The following PSG8 variants were observed in gnomAD, a reference collection of about 807,000 sequenced individuals.
The protein encoded by PSG8 is pregnancy-specific beta-1-glycoprotein 8.
Under a neutral mutation model 42.5 loss-of-function variants are expected in PSG8, and 57 were observed. That is an observed-to-expected ratio of 1.34 (90% CI 1.08 to 1.67). The LOEUF is 1.67. Ranked by LOEUF, PSG8 falls within the 40% of genes most tolerant of loss-of-function variation. The probability of loss-of-function intolerance (pLI) is 0.00; values close to 1 mark genes in which losing one functional copy is unlikely to be tolerated. For missense variants in PSG8, 783 were observed against 518.6 expected (o/e 1.51, Z -4.95); for synonymous variants, 280 against 196.8 (o/e 1.42, Z -3.54).
chr19:42,753,916 A>G (rs1398684964), downstream of PSG8: 2 of 525,608 alleles, frequency 3.8e-6, no homozygotes, highest in South Asian at 1.6e-5. Context: ...GGTAGAAAGC[A>G]AAAGTAAATA....
In PSG8 at chr19:42,755,139, G is replaced by A. The variant is rs374769387; in HGVS notation, c.837C>T (p.Ser279=). Residue 279 remains serine, a synonymous_variant, in exon 4 of 5, where the codon AGC becomes AGT. Transcript: ENST00000306511. The part of the protein sequence containing the change: ...YTYIWWLNGQ[S]LPVSPRVKRP... ...GCTTTACCCTGGGACTGACCGGGAG[G>A]CTCTGACCATTTAGCCACCAAATGT... The A allele has an allele frequency of 6.2e-7, 1 of 1,611,888 alleles. No homozygotes were observed. The highest frequency in any genetic ancestry group is 1.1e-5 in the South Asian group (1 of 90,970).
chr19:42,759,718 T>C (rs1970026327), intron 2 of PSG8, among the ~76,000 whole-genome samples: 1 of 152,164 alleles, frequency 6.6e-6, no homozygotes, highest in East Asian at 1.9e-4. Context: ...ATGTTCTGAC[T>C]CTAGTAACAA....
intron 2 of PSG8, chr19:42,763,704 G>A (rs1445397633): frequency 4.3e-6 from 4 of 940,298 alleles, no homozygotes; most frequent in African/African-American, 1.6e-5. Context: ...TTCCTCTGCA[G>A]CGAGTGTCTG....
Position 42,758,027 on chromosome 19 carries a change from A to C in PSG8, c.684T>G (p.Ser228Arg), listed in dbSNP as rs1220596852. The change falls in exon 3 of 5, where the codon AGT becomes AGG. Residue 228 changes from serine to arginine, a missense_variant. Physicochemically the swap from Ser to Arg is moderately radical, Grantham distance 110. Coordinates refer to ENST00000306511, the MANE Select transcript of PSG8 (RefSeq NM_182707.3). ...EIRNPVSASR[S>R]DPFTLNLLPK... Reference sequence around the variant, plus strand: ...GGAGGAGATTCAGGGTGAATGGGTCACTGCGGCTGGCACTCACTGGGTTCC... The same window carrying C: ...GGAGGAGATTCAGGGTGAATGGGTCCCTGCGGCTGGCACTCACTGGGTTCC... 1 of 1,614,052 alleles carries C rather than the reference A, an allele frequency of 6.2e-7. No individual in the cohort carries two copies. The highest frequency in any genetic ancestry group is 1.1e-5 in the South Asian group (1 of 91,074).
chr19:42,759,675 A>G (rs941256896), intron 2 of PSG8, among the ~76,000 whole-genome samples: 4 of 152,174 alleles, frequency 2.6e-5, no homozygotes, highest in African/African-American at 9.6e-5. Flanking sequence ...TAATTTTCCC[A>G]TAAAAAGTTG....
chr19:42,760,920 C>T (rs552905405), intron 2 of PSG8, among the ~76,000 whole-genome samples: 41 of 152,226 alleles, frequency 2.7e-4, no homozygotes, highest in African/African-American at 9.4e-4. Flanking sequence ...TGAGTTTGTT[C>T]AGCTTTTTAC....
rs1969991281 is a variant in PSG8, at chr19:42,758,505, A to G, written c.431-225T>C. 3.0e-6 allele frequency: 3 copies of G among 1,002,508 alleles called. No individual in the cohort carries two copies. The South Asian group carries it at 5.4e-5, about 18-fold the overall frequency. The allele number at this position is 1,002,508 out of a possible 1,614,324, so 62.1% of individuals were successfully genotyped here. ...CACAGACTTTCTCAAGTGTGAATTG[A>G]GCAGCAGCATTGGGTCATGGAAAGA... On this transcript the variant is annotated intron_variant, in intron 2 of 4. Coordinates refer to ENST00000306511, the MANE Select transcript of PSG8 (RefSeq NM_182707.3).
rs541230835 is a variant in PSG8 at position 42,755,133 on chromosome 19, C to A, written c.843G>T (p.Pro281=). ...TGGGTCGCTTTACCCTGGGACTGAC[C>A]GGGAGGCTCTGACCATTTAGCCACC... is the stretch of plus-strand genomic sequence containing the variant. ...YIWWLNGQSL[P]VSPRVKRPIE... Residue 281 remains proline, a synonymous_variant, in exon 4 of 5, where the codon CCG becomes CCT. Transcript: ENST00000306511. The A allele has an allele frequency of 3.5e-5, 56 of 1,611,742 alleles. No individual in the cohort carries two copies. The African/African-American group carries it at 6.1e-4, about 18-fold the overall frequency.
chr19:42,761,490 T>C (rs951733905), intron 2 of PSG8, among the ~76,000 whole-genome samples: 54 of 152,288 alleles, frequency 3.5e-4, no homozygotes, highest in African/African-American at 1.2e-3. Flanking sequence ...AACGTGAGAT[T>C]GGTCTTTTGA....
At chr19:42,758,461 T>G (rs1969989636) in intron 2 of PSG8, 181 bp from the exon 3 acceptor site, 2 of 1,315,490 alleles carry the variant, frequency 1.5e-6, no homozygotes, top group Admixed American at 5.2e-5. Flanking sequence ...GTTGTGAGGC[T>G]GCCTGCTTCA....
In PSG8 at chr19:42,765,534, C is replaced by A. The variant is rs61393109; in HGVS notation, c.48G>T (p.Lys16Asn). Residue 16 changes from lysine to asparagine, a missense_variant, in exon 1 of 5, where the codon AAG (lysine) becomes AAT (asparagine). By Grantham distance (94) the Lys-to-Asn change is moderately conservative. Coordinates refer to ENST00000306511, the MANE Select transcript of PSG8 (RefSeq NM_182707.3). ...TCTCCTCACCTGTGAGCAGGAGCCC[C>A]TTCCAGGTGATGCGCTGTGTGCAGG... ...APPCTQRITW[K>N]GLLLTASLLN... The A allele has an allele frequency of 6.2e-7, 1 of 1,611,316 alleles. No homozygotes were observed. The highest frequency in any genetic ancestry group is 8.5e-7 in the Non-Finnish European group (1 of 1,178,210).
chr19:42,762,199 G>T (rs1014689600), intron 2 of PSG8, among the ~76,000 whole-genome samples: 11 of 151,974 alleles, frequency 7.2e-5, no homozygotes, highest in Non-Finnish European at 1.5e-4. Flanking sequence ...TTGCCAGTCA[G>T]AATGAAGTGG....
chr19:42,757,754 A>G (rs573830783), intron 3 of PSG8, among the ~76,000 whole-genome samples: 2 of 152,292 alleles, frequency 1.3e-5, no homozygotes, highest in Non-Finnish European at 2.9e-5. Flanking sequence ...AGCCTGAGAC[A>G]TTCACCTGTT....
chr19:42,754,035 A>G, downstream of PSG8: 4 of 950,874 alleles, frequency 4.2e-6, no homozygotes, highest in South Asian at 6.1e-5. Flanking sequence ...CCATTTAAAG[A>G]ATCAGCAAAT....
Position 42,758,159 on chromosome 19 carries a change from A to C in PSG8, c.552T>G (p.Gly184=). 1.2e-6 allele frequency: 2 copies of C among 1,613,970 alleles called. No homozygotes were observed. The highest frequency in any genetic ancestry group is 1.7e-6 in the Non-Finnish European group (2 of 1,179,962). ...PDASYLWWMN[G]QSLPMSHRLQ... ...ACCTGTGAGACATAGGGAGGCTCTGACCATTCATCCACCACAGGTAGCTTG... is the reference window on the plus strand; with the variant it reads ...ACCTGTGAGACATAGGGAGGCTCTGCCCATTCATCCACCACAGGTAGCTTG... The change falls in exon 3 of 5, where the codon GGT becomes GGG. Residue 184 remains glycine (G), a synonymous_variant. Transcript: ENST00000306511.
At chr19:42,753,045 A>G (rs1209958269), downstream of PSG8, 1 of 573,596 alleles carries the variant, frequency 1.7e-6, no homozygotes, top group Admixed American at 3.0e-5. Context: ...CAAGTGAAAG[A>G]GGCAGGCATG....
chr19:42,754,085 T>C (rs565260121), downstream of PSG8: 5 of 1,102,780 alleles, frequency 4.5e-6, no homozygotes, highest in South Asian at 6.3e-5. Context: ...CTCATTATTA[T>C]CAATTATTTC....
Position 42,764,248 on chromosome 19 carries a change from G to A in PSG8, c.98C>T (p.Thr33Ile). The change falls in exon 2 of 5, where the codon ACT (threonine) becomes ATT (isoleucine). Residue 33 changes from threonine to isoleucine, a missense_variant. Thr to Ile is a moderately conservative substitution (Grantham distance 89, BLOSUM62 -1). Transcript: ENST00000306511. ...SLLNFWNPPT[T>I]AQVTIEAQPT... ...CTGGGCTTCAATCGTGACTTGGGCA[G>A]TCGTGGGTGGGTTCCAGAAGTTTAA... 1 of 1,613,716 alleles carries A rather than the reference G, an allele frequency of 6.2e-7. No individual in the cohort carries two copies. The highest frequency in any genetic ancestry group is 1.7e-4 in the Middle Eastern group (1 of 6,044).
chr19:42,754,120 T>G (rs1206130571), downstream of PSG8: 28 of 1,269,158 alleles, frequency 2.2e-5, no homozygotes, highest in Non-Finnish European at 3.0e-5. Context: ...TTTTCCTGCT[T>G]GGTCTAGGCT....
Sources: gnomAD v4.1 joint callset for allele counts (sites outside exome capture counted in the v4.1 genomes callset) on GRCh38, gnomAD v4.1.1 for gene constraint, MANE v1.5 for transcripts, NCBI Gene and HGNC (gene_info 2026-07-23, HGNC 2026-07-21) for gene names.